KLHL1: variants seen among roughly 807,000 people sequenced by gnomAD.
The protein encoded by KLHL1 is kelch-like protein 1.
A neutral mutation model predicts 77.7 loss-of-function variants in KLHL1; 47 were observed. That is an observed-to-expected ratio of 0.60 (90% CI 0.48 to 0.77). KLHL1 has a LOEUF of 0.77. Ranked by LOEUF, KLHL1 falls within the 30% of genes least tolerant of loss-of-function variation. The pLI, the probability that KLHL1 is intolerant of heterozygous loss-of-function variation, is 0.00. For missense variants in KLHL1, 925 were observed against 910.8 expected (o/e 1.02, Z -0.20); for synonymous variants, 360 against 325.2 (o/e 1.11, Z -1.15).
At chr13:70,040,100 C>T (rs1011878405) in intron 1 of KLHL1, among the ~76,000 whole-genome samples, 3 of 152,024 alleles carry the variant, frequency 2.0e-5, no homozygotes, top group African/African-American at 4.8e-5. Context: ...CTTTACCCTC[C>T]TTCATTTATC....
chr13:69,823,105 C>T (rs1202216938), intron 6 of KLHL1, among the ~76,000 whole-genome samples: 1 of 152,098 alleles, frequency 6.6e-6, no homozygotes, highest in African/African-American at 2.4e-5. Context: ...GAAAGAATTG[C>T]CACAGATGAA....
At chr13:69,918,911 A>T (rs918255047) in intron 4 of KLHL1, among the ~76,000 whole-genome samples, 7 of 151,964 alleles carry the variant, frequency 4.6e-5, no homozygotes, top group Non-Finnish European at 1.0e-4. Context: ...ACTCTTCATC[A>T]CCTCCCAGTT....
At chr13:69,779,823 T>C (rs1484252320) in intron 7 of KLHL1, among the ~76,000 whole-genome samples, 1 of 152,084 alleles carries the variant, frequency 6.6e-6, no homozygotes, top group Non-Finnish European at 1.5e-5. Context: ...TTTTATTTTA[T>C]ATTTTTTGAG....
At chr13:70,028,939 T>A (rs1886022491) in intron 1 of KLHL1, among the ~76,000 whole-genome samples, 1 of 150,096 alleles carries the variant, frequency 6.7e-6, no homozygotes, top group Admixed American at 6.7e-5. Flanking sequence ...ATTGCGCCAC[T>A]GCACTGCATT....
At chr13:69,757,744 G>A (rs142699312) in intron 7 of KLHL1, among the ~76,000 whole-genome samples, 1,730 of 152,072 alleles carry the variant, frequency 0.011, 35 homozygotes, top group African/African-American at 0.039. Flanking sequence ...CTGAGGTCAG[G>A]AGTTTAAGAC....
Position 70,108,218 on chromosome 13 carries a change from G to C in KLHL1, c.-519C>G, listed in dbSNP as rs1043878926. On this transcript the variant is annotated 5_prime_UTR_variant, in exon 1 of 11. Transcript: ENST00000377844. ...GCAGAGAGAAAGAGCCCCAAGTCTC[G>C]AGGAAGCGTACCCCTCGCCAGATCT... The C allele has an allele frequency of 5.1e-6, 2 of 393,966 alleles. No individual in the cohort carries two copies. Among genetic ancestry groups the C allele is most frequent in the African/African-American group, 2.1e-5 (1 of 48,478 alleles). The allele number at this position is 393,966 out of a possible 1,614,324, so 24.4% of individuals were successfully genotyped here.
intron 7 of KLHL1, among the ~76,000 whole-genome samples, chr13:69,780,721 T>TATATACATATATATATACACAC (rs1555267672): frequency 1.6e-5 from 1 of 62,852 alleles, no homozygotes; most frequent in African/African-American, 6.9e-5. Context: ...TATATGTATA[T>TATATACATATATATATACACAC]ATATATATAT....
chr13:69,932,858 T>C (rs555692135), intron 4 of KLHL1, among the ~76,000 whole-genome samples: 2 of 152,116 alleles, frequency 1.3e-5, no homozygotes, highest in East Asian at 1.9e-4. Context: ...AGTGAACAAG[T>C]TCTAGGGATC....
chr13:69,862,256 G>A (rs1232916802), intron 5 of KLHL1, among the ~76,000 whole-genome samples: 1 of 151,026 alleles, frequency 6.6e-6, no homozygotes, highest in Non-Finnish European at 1.5e-5. Context: ...CATAATAAAT[G>A]TATGTAATTA....
intron 9 of KLHL1, among the ~76,000 whole-genome samples, chr13:69,710,090 T>C (rs1350574882): frequency 6.6e-6 from 1 of 151,552 alleles, no homozygotes; most frequent in Non-Finnish European, 1.5e-5. Flanking sequence ...TATAAGTATA[T>C]ATATATACTT....
At chr13:70,054,639 T>A (rs957009132) in intron 1 of KLHL1, among the ~76,000 whole-genome samples, 1 of 151,906 alleles carries the variant, frequency 6.6e-6, no homozygotes, top group African/African-American at 2.4e-5. Flanking sequence ...AAAATAGCTA[T>A]TTTGATAAAG....
At chr13:69,941,418 C>T (rs1363309719) in intron 3 of KLHL1, among the ~76,000 whole-genome samples, 1 of 151,970 alleles carries the variant, frequency 6.6e-6, no homozygotes, top group African/African-American at 2.4e-5. Context: ...AGTGACACAA[C>T]TTATCAAAAC....
chr13:69,771,044 G>A (rs540151134), intron 7 of KLHL1, among the ~76,000 whole-genome samples: 14 of 152,286 alleles, frequency 9.2e-5, no homozygotes, highest in Middle Eastern at 3.4e-3. Context: ...TTTCACTACT[G>A]TAATATGTGG....
intron 7 of KLHL1, among the ~76,000 whole-genome samples, chr13:69,774,755 T>G (rs1875745950): frequency 6.6e-6 from 1 of 152,274 alleles, no homozygotes; most frequent in Admixed American, 6.5e-5. Flanking sequence ...TTCTTGTATA[T>G]TAACTTTGCA....
At chr13:69,964,963 CA>C (rs199678351) in intron 2 of KLHL1, among the ~76,000 whole-genome samples, 10 of 150,626 alleles carry the variant, frequency 6.6e-5, no homozygotes, top group Admixed American at 1.3e-4. Flanking sequence ...ACTACCCCCA[CA>C]AAAAAAAATA....
chr13:69,794,511 GA>G (rs767862897), intron 7 of KLHL1, among the ~76,000 whole-genome samples: 23 of 144,126 alleles, frequency 1.6e-4, no homozygotes, highest in South Asian at 6.5e-4. Flanking sequence ...AGAAACAGTA[GA>G]AAAAAAAAGA....
At chr13:69,852,348 C>T (rs1301858230) in intron 5 of KLHL1, among the ~76,000 whole-genome samples, 6 of 151,786 alleles carry the variant, frequency 4.0e-5, no homozygotes, top group Admixed American at 1.3e-4. Context: ...AATGTTAACT[C>T]GGATGGTAGG....
intron 7 of KLHL1, among the ~76,000 whole-genome samples, chr13:69,775,621 T>G (rs1875788229): frequency 6.6e-6 from 1 of 152,134 alleles, no homozygotes; most frequent in Non-Finnish European, 1.5e-5. Flanking sequence ...AAATATTATC[T>G]TTTGTTTTAC....
chr13:69,935,001 C>T lies in KLHL1; in HGVS notation c.1014+5039G>A, dbSNP rs866999430. 9.3e-3 allele frequency among the ~76,000 whole-genome samples: 1,131 copies of T among 121,546 alleles called. 15 individuals are homozygous for T. The highest frequency in any genetic ancestry group is 0.034 in the African/African-American group (978 of 28,452). The allele number at this position is 121,546 out of a possible 152,430, so 79.7% of individuals were successfully genotyped here. ...ATATATATATATATGTATATATATA[C>T]ATATTATCATTATAAAGTATCATTA... is the stretch of plus-strand genomic sequence containing the variant. On this transcript the variant is annotated intron_variant, in intron 4 of 10. Transcript: ENST00000377844.
Sources: gnomAD v4.1 joint callset for allele counts (sites outside exome capture counted in the v4.1 genomes callset) on GRCh38, gnomAD v4.1.1 for gene constraint, MANE v1.5 for transcripts, NCBI Gene and HGNC (gene_info 2026-07-23, HGNC 2026-07-21) for gene names.